Variants in FNIP1 observed in about 807,000 individuals in gnomAD.
FNIP1 encodes the protein folliculin-interacting protein 1.
Under a neutral mutation model 124.5 loss-of-function variants are expected in FNIP1, and 40 were observed. The ratio of observed to expected loss-of-function variants is 0.32; its 90% CI spans 0.25 to 0.42. The LOEUF (loss-of-function observed/expected upper bound fraction) is 0.42, where lower values mean the gene tolerates loss of function less well. Ranked by LOEUF, FNIP1 falls within the 10% of genes least tolerant of loss-of-function variation. The pLI, the probability that FNIP1 is intolerant of heterozygous loss-of-function variation, is 1.00. For synonymous variants in FNIP1, 472 were observed against 470.6 expected (o/e 1.00, Z -0.04); for missense variants, 1,176 against 1,403.7 (o/e 0.84, Z 2.59).
At chr5:131,770,640 C>T (rs1771598645) in intron 1 of FNIP1, among the ~76,000 whole-genome samples, 1 of 152,142 alleles carries the variant, frequency 6.6e-6, no homozygotes, top group Non-Finnish European at 1.5e-5. Flanking sequence ...TCCAACTGTG[C>T]CACATACTGA....
chr5:131,678,661 C>T (rs1767981477), intron 12 of FNIP1, among the ~76,000 whole-genome samples: 1 of 152,182 alleles, frequency 6.6e-6, no homozygotes, highest in Non-Finnish European at 1.5e-5. Context: ...CCACCCACCT[C>T]AGCCTCCCAA....
intron 16 of FNIP1, among the ~76,000 whole-genome samples, chr5:131,647,443 T>C (rs1580723473): frequency 1.4e-5 from 2 of 145,682 alleles, no homozygotes. Flanking sequence ...TGTGCAAAAA[T>C]ACACATACAA....
intron 3 of FNIP1, among the ~76,000 whole-genome samples, chr5:131,727,141 A>G (rs948012761): frequency 4.6e-5 from 7 of 152,120 alleles, no homozygotes; most frequent in Non-Finnish European, 7.4e-5. Flanking sequence ...TGGGGTGGAG[A>G]GTTCTGCAGA....
At chr5:131,749,670 G>A (rs531544602) in intron 1 of FNIP1, among the ~76,000 whole-genome samples, 81 of 152,220 alleles carry the variant, frequency 5.3e-4, no homozygotes, top group Non-Finnish European at 4.6e-4. Flanking sequence ...GGGATTACAG[G>A]TGTGAGCCAC....
In FNIP1 at chr5:131,651,814, C is replaced by G; in HGVS notation, c.3294G>C (p.Leu1098Phe). 1.9e-6 allele frequency: 3 copies of G among 1,613,940 alleles called. No homozygotes were observed. Among genetic ancestry groups the G allele is most frequent in the Non-Finnish European group, 2.5e-6 (3 of 1,179,940 alleles). The change falls in exon 16 of 18, where the codon TTG becomes TTC. Residue 1098 changes from leucine to phenylalanine, a missense_variant. Coordinates refer to ENST00000510461, the MANE Select transcript of FNIP1 (RefSeq NM_133372.3). ...TACACATACTTACAAAATTTGGAGA[C>G]AAGTTATGCTTATAAAGCTGAAGTG... Reference protein sequence around the residue: ...HSTLQLYKHNLSPNFCVMHLE... With the variant: ...HSTLQLYKHNFSPNFCVMHLE...
chr5:131,790,861 A>T (rs959179807), intron 1 of FNIP1, among the ~76,000 whole-genome samples: 1 of 152,254 alleles, frequency 6.6e-6, no homozygotes, highest in African/African-American at 2.4e-5. Flanking sequence ...AGCTTGGCAC[A>T]TCCCAGAATC....
chr5:131,683,552 CAA>C (rs1184433193), intron 11 of FNIP1, among the ~76,000 whole-genome samples: 5 of 53,010 alleles, frequency 9.4e-5, no homozygotes, highest in East Asian at 5.9e-4. Context: ...GACTCCGTCT[CAA>C]AAAAAAAAAA....
At chr5:131,770,457 G>A (rs1771591437) in intron 1 of FNIP1, among the ~76,000 whole-genome samples, 1 of 152,140 alleles carries the variant, frequency 6.6e-6, no homozygotes, top group Non-Finnish European at 1.5e-5. Flanking sequence ...ACCAAGGGGT[G>A]CATCTGTGTA....
intron 1 of FNIP1, among the ~76,000 whole-genome samples, chr5:131,784,430 A>G (rs971405436): frequency 5.3e-5 from 8 of 152,186 alleles, no homozygotes; most frequent in Non-Finnish European, 1.0e-4. Flanking sequence ...ATGAAGGAGA[A>G]GGGTATGTAT....
At chr5:131,678,348 A>G (rs1373076602) in intron 12 of FNIP1, among the ~76,000 whole-genome samples, 1 of 152,222 alleles carries the variant, frequency 6.6e-6, no homozygotes, top group Non-Finnish European at 1.5e-5. Context: ...AAATAATACA[A>G]TACGATAAAA....
At chr5:131,667,699 C>T (rs184066232) in intron 15 of FNIP1, among the ~76,000 whole-genome samples, 218 of 152,320 alleles carry the variant, frequency 1.4e-3, no homozygotes, top group Non-Finnish European at 2.7e-3. Context: ...AGTGATTCTC[C>T]TGCCTCAGCC....
intron 15 of FNIP1, among the ~76,000 whole-genome samples, chr5:131,661,220 T>TCG (rs1554092139): frequency 1.4e-5 from 2 of 147,636 alleles, no homozygotes; most frequent in Non-Finnish European, 3.0e-5. Flanking sequence ...TGTCTTTGTT[T>TCG]TGTGTGTGTG....
intron 1 of FNIP1, among the ~76,000 whole-genome samples, chr5:131,771,719 A>T (rs1448823227): frequency 1.3e-5 from 2 of 152,108 alleles, no homozygotes; most frequent in African/African-American, 2.4e-5. Flanking sequence ...CATCCCTTCT[A>T]GTCTCCTGTT....
chr5:131,707,385 T>C (rs953304533), intron 8 of FNIP1, among the ~76,000 whole-genome samples: 1 of 152,180 alleles, frequency 6.6e-6, no homozygotes, highest in Non-Finnish European at 1.5e-5. Flanking sequence ...AAAATGTATA[T>C]TCAAAACAGG....
chr5:131,785,258 A>G (rs1772167750), intron 1 of FNIP1, among the ~76,000 whole-genome samples: 1 of 151,022 alleles, frequency 6.6e-6, no homozygotes, highest in Non-Finnish European at 1.5e-5. Context: ...ATTTTGAGTC[A>G]GATTTTAACA....
intron 1 of FNIP1, among the ~76,000 whole-genome samples, chr5:131,770,053 T>G (rs1391725712): frequency 6.6e-6 from 1 of 152,236 alleles, no homozygotes; most frequent in East Asian, 1.9e-4. Flanking sequence ...TTGAGGTTCA[T>G]GCAGTAAACA....
chr5:131,717,816 C>T (rs1457986687), intron 5 of FNIP1, among the ~76,000 whole-genome samples: 2 of 152,072 alleles, frequency 1.3e-5, no homozygotes, highest in Non-Finnish European at 2.9e-5. Context: ...TTTAGTAGAT[C>T]TCTAATTTCT....
intron 13 of FNIP1, among the ~76,000 whole-genome samples, chr5:131,674,075 TA>T (rs1767843951): frequency 6.6e-6 from 1 of 151,640 alleles, no homozygotes; most frequent in African/African-American, 2.4e-5. Flanking sequence ...AGAAATAAAA[TA>T]AAAAAGTAAG....
chr5:131,767,361 G>A (rs184058488), intron 1 of FNIP1, among the ~76,000 whole-genome samples: 129 of 148,244 alleles, frequency 8.7e-4, no homozygotes, highest in African/African-American at 2.6e-3. Context: ...CCTGGGAGGC[G>A]GAGGCTGCAG....
Sources: gnomAD v4.1 joint callset for allele counts (sites outside exome capture counted in the v4.1 genomes callset) on GRCh38, gnomAD v4.1.1 for gene constraint, MANE v1.5 for transcripts, NCBI Gene and HGNC (gene_info 2026-07-23, HGNC 2026-07-21) for gene names.